The following IL18RAP variants were observed in gnomAD, a reference collection of about 807,000 sequenced individuals.
IL18RAP encodes the protein interleukin 18 receptor accessory protein.
A neutral mutation model predicts 58.1 loss-of-function variants in IL18RAP; 37 were observed. The observed-to-expected ratio is 0.64, with a 90% CI of 0.49 to 0.84. IL18RAP has a LOEUF of 0.84. Among genes scored for constraint, IL18RAP ranks in the 40% least tolerant of loss-of-function variants. IL18RAP has a pLI of 0.00. For synonymous variants in IL18RAP, 268 were observed against 257.5 expected (o/e 1.04, Z -0.39); for missense variants, 667 against 704.8 (o/e 0.95, Z 0.61).
chr2:102,437,854 C>T (rs1318285883), intron 4 of IL18RAP, among the ~76,000 whole-genome samples: 1 of 152,024 alleles, frequency 6.6e-6, no homozygotes, highest in Non-Finnish European at 1.5e-5. Context: ...TATGCTTTTT[C>T]TACATATGTA....
chr2:102,448,982 A>G (rs1482561807), intron 8 of IL18RAP, among the ~76,000 whole-genome samples: 1 of 145,706 alleles, frequency 6.9e-6, no homozygotes, highest in Non-Finnish European at 1.5e-5. Context: ...AAAAAAAAAA[A>G]AAGTGACCGG....
chr2:102,441,828 C>T (rs952479608), intron 5 of IL18RAP, among the ~76,000 whole-genome samples: 1 of 151,784 alleles, frequency 6.6e-6, no homozygotes, highest in Non-Finnish European at 1.5e-5. Flanking sequence ...GCGGAGGTTA[C>T]AGTGAGCCGA....
chr2:102,439,779 A>G (rs1241930453), intron 4 of IL18RAP: 2 of 152,224 alleles, frequency 1.3e-5, no homozygotes, highest in Non-Finnish European at 2.9e-5. Flanking sequence ...TTAGGCTTAA[A>G]AGGACTTTTA....
upstream of IL18RAP, among the ~76,000 whole-genome samples, chr2:102,422,104 C>T (rs1346348449): frequency 6.6e-6 from 1 of 152,182 alleles, no homozygotes; most frequent in East Asian, 1.9e-4. Context: ...ATTCCCTCTA[C>T]TCCTCTCTCT....
Position 102,443,337 on chromosome 2 carries a change from T to G in IL18RAP, c.920+14T>G, listed in dbSNP as rs1277625194. 1.2e-6 allele frequency: 2 copies of G among 1,610,342 alleles called. No homozygotes were observed. Among genetic ancestry groups the G allele is most frequent in the African/African-American group, 2.7e-5 (2 of 74,750 alleles). ...TGAGGCGAAAAGGTAAGAAAAAAAC[T>G]CACGGATTCTGTTCTCTGCAATTCA... On this transcript the variant is annotated intron_variant, in intron 6 of 9. Coordinates refer to ENST00000687160, the MANE Select transcript of IL18RAP (RefSeq NM_001393487.1).
rs749979341 is a variant in IL18RAP at position 102,424,109 on chromosome 2, A to T, written c.369A>T (p.Ser123=). 1 of 1,612,704 alleles carries T rather than the reference A, an allele frequency of 6.2e-7. No homozygotes were observed. Among genetic ancestry groups the T allele is most frequent in the East Asian group, 2.2e-5 (1 of 44,866 alleles). The change falls in exon 2 of 10, where the codon TCA becomes TCT. Residue 123 remains serine, a synonymous_variant. Coordinates refer to ENST00000687160, the MANE Select transcript of IL18RAP (RefSeq NM_001393487.1). The stretch of plus-strand genomic sequence containing the variant: ...CCCCAGGGGTGAATAATTCTGGGTC[A>T]TATATTTGTAGACCCAAGATGATTA... The part of the protein sequence containing the change: ...FLTPGVNNSG[S]YICRPKMIKS...
chr2:102,451,786 A>G lies in IL18RAP; in HGVS notation c.1405A>G (p.Ser469Gly). ...PGGVYAEDIVSIIKRSRRGIF... is the reference protein window; with the variant it reads ...PGGVYAEDIVGIIKRSRRGIF... ...TCCAGTGTATGCAGAAGACATTGTG[A>G]GCATTATTAAGAGAAGCAGAAGAGG... Residue 469 changes from serine to glycine, a missense_variant, in exon 10 of 10, where the codon AGC becomes GGC. Transcript: ENST00000687160. 2 of 1,612,016 alleles carry G rather than the reference A, an allele frequency of 1.2e-6. No individual in the cohort carries two copies. Among genetic ancestry groups the G allele is most frequent in the Non-Finnish European group, 8.5e-7 (1 of 1,178,540 alleles).
upstream of IL18RAP, chr2:102,418,777 G>T (rs575543321): frequency 1.3e-5 from 2 of 152,336 alleles, no homozygotes; most frequent in East Asian, 3.8e-4. Context: ...CGTGGCTATT[G>T]TGTCTTCTCC....
chr2:102,451,313 C>T (rs1171765396), intron 9 of IL18RAP, among the ~76,000 whole-genome samples: 1 of 152,216 alleles, frequency 6.6e-6, no homozygotes, highest in Admixed American at 6.5e-5. Flanking sequence ...TCGCTCACCC[C>T]AATTTAGTGG....
chr2:102,443,427 G>A (rs1298455646), intron 6 of IL18RAP, 104 bp downstream of exon 6: 7 of 1,284,366 alleles, frequency 5.5e-6, no homozygotes, highest in Non-Finnish European at 6.4e-6. Context: ...CACCAGCACC[G>A]ACTAGTGGTG....
chr2:102,448,897 G>T (rs374574669), intron 8 of IL18RAP, among the ~76,000 whole-genome samples: 1 of 148,922 alleles, frequency 6.7e-6, no homozygotes, highest in East Asian at 2.0e-4. Flanking sequence ...GGAGGTCAAG[G>T]CTGCAGTGAG....
upstream of IL18RAP, among the ~76,000 whole-genome samples, chr2:102,421,513 T>A (rs1376571479): frequency 1.3e-5 from 2 of 152,152 alleles, no homozygotes; most frequent in Non-Finnish European, 2.9e-5. Flanking sequence ...TTTCGGAGAC[T>A]TTGTGGACAA....
intron 3 of IL18RAP, chr2:102,432,297 C>T (rs1682423708): frequency 6.5e-6 from 1 of 153,802 alleles, no homozygotes; most frequent in East Asian, 2.0e-4. Context: ...CTGTGATTGC[C>T]TCTGATCAGG....
chr2:102,441,382 G>C lies in IL18RAP; in HGVS notation c.796+5G>C, dbSNP rs774464624. 2.0e-5 allele frequency: 32 copies of C among 1,612,140 alleles called. No individual in the cohort carries two copies. The highest frequency in any genetic ancestry group is 5.3e-5 in the African/African-American group (4 of 74,866). ...ACACACTGGAAGTAGAACTTGGTAA[G>C]CTGGGCCTCATCGCCTTTGAATGAC... On this transcript the variant is annotated splice_donor_5th_base_variant and intron_variant, in intron 5 of 9. Transcript: ENST00000687160.
rs924180042 is a variant in IL18RAP, at chr2:102,424,029, A to G, written c.289A>G (p.Ile97Val). ...QPSNGDPLED[I>V]RKSYPHIIQD... ...TTCGAATGGAGATCCATTAGAGGAC[A>G]TTAGGAAAAGCTATCCTCACATCAT... The change falls in exon 2 of 10, where the codon ATT (isoleucine) becomes GTT (valine). Residue 97 changes from isoleucine (I) to valine (V), a missense_variant. Physicochemically the swap from Ile to Val is conservative, Grantham distance 29. Transcript: ENST00000687160. The G allele has an allele frequency of 8.1e-6, 13 of 1,614,028 alleles. No individual in the cohort carries two copies. The highest frequency in any genetic ancestry group is 1.1e-5 in the South Asian group (1 of 91,084).
chr2:102,423,815 T>C lies in IL18RAP; in HGVS notation c.75T>C (p.Cys25=), dbSNP rs774512653. ...TTTGTTTATTATGATTTTCAGGTTG[T>C]TCCACAAAAAAACTCCTTTGGACAT... ...ERIKGFNISG[C]STKKLLWTYS... is the part of the protein sequence containing the mutation. Residue 25 remains cysteine (C), a synonymous_variant, in exon 2 of 10, where the codon TGT becomes TGC. Transcript: ENST00000687160. The C allele has an allele frequency of 1.1e-5, 18 of 1,609,034 alleles. No individual in the cohort carries two copies. The South Asian group carries it at 1.9e-4, about 17-fold the overall frequency.
chr2:102,436,674 A>C (rs1282263768), intron 3 of IL18RAP, among the ~76,000 whole-genome samples: 1 of 140,614 alleles, frequency 7.1e-6, no homozygotes, highest in Non-Finnish European at 1.6e-5. Context: ...CAGCTTTGTC[A>C]GAGAGAGAAA....
intron 4 of IL18RAP, chr2:102,440,548 A>G (rs1312364584): frequency 2.0e-5 from 3 of 152,240 alleles, no homozygotes; most frequent in Non-Finnish European, 4.4e-5. Flanking sequence ...CTGGGATATA[A>G]GGCAGGGTGT....
At chr2:102,446,019 G>A (rs552544173) in intron 7 of IL18RAP, among the ~76,000 whole-genome samples, 1 of 152,154 alleles carries the variant, frequency 6.6e-6, no homozygotes, top group South Asian at 2.1e-4. Context: ...TGTGAAGGGG[G>A]TTTTCCCCCA....
Sources: allele counts gnomAD v4.1 joint callset (sites outside exome capture counted in the v4.1 genomes callset), GRCh38; gene constraint gnomAD v4.1.1; transcripts MANE v1.5; gene names NCBI Gene and HGNC (gene_info 2026-07-23, HGNC 2026-07-21).